Variants in PTPRN2 observed in about 807,000 individuals in gnomAD.
PTPRN2 encodes the protein receptor-type tyrosine-protein phosphatase N2.
A neutral mutation model predicts 118.8 loss-of-function variants in PTPRN2; 74 were observed. The observed-to-expected ratio is 0.62, with a 90% CI of 0.52 to 0.76. PTPRN2 has a LOEUF of 0.76. PTPRN2 is among the 30% of genes least tolerant of loss of function. The probability of loss-of-function intolerance (pLI) is 0.00; values close to 1 mark genes in which losing one functional copy is unlikely to be tolerated. For missense variants in PTPRN2, 1,481 were observed against 1,394.4 expected (o/e 1.06, Z -0.99); for synonymous variants, 641 against 608.0 (o/e 1.05, Z -0.80).
chr7:158,405,493 A>G (rs1813332023), intron 2 of PTPRN2, among the ~76,000 whole-genome samples: 2 of 152,226 alleles, frequency 1.3e-5, no homozygotes, highest in African/African-American at 4.8e-5. Context: ...ACAGAGCTGC[A>G]GCGTCCGACC....
Position 157,645,540 on chromosome 7 carries a change from G to A in PTPRN2, c.2196+10817C>T, listed in dbSNP as rs118034261. ...CATTTCACATGGTCCGTGTAGTCTGGAGTGGCAAAAGTTTGAAATTGCCTA... is the reference window on the plus strand; with the variant it reads ...CATTTCACATGGTCCGTGTAGTCTGAAGTGGCAAAAGTTTGAAATTGCCTA... On this transcript the variant is annotated intron_variant, in intron 14 of 22. Transcript: ENST00000389418. Among the ~76,000 whole-genome samples the A allele has an allele frequency of 3.1e-3, 479 of 152,248 alleles. 2 individuals are homozygous for A. The highest frequency in any genetic ancestry group is 5.9e-3 in the Non-Finnish European group (399 of 68,012).
chr7:157,843,042 C>G (rs1161603569), intron 12 of PTPRN2, among the ~76,000 whole-genome samples: 1 of 152,190 alleles, frequency 6.6e-6, no homozygotes, highest in Non-Finnish European at 1.5e-5. Flanking sequence ...AAAACCACGA[C>G]TTTTCCCCTG....
chr7:157,818,183 C>A (rs1430210126), intron 12 of PTPRN2, among the ~76,000 whole-genome samples: 2 of 151,226 alleles, frequency 1.3e-5, no homozygotes, highest in African/African-American at 4.9e-5. Context: ...GGTGTGTGTG[C>A]ATTCATGTGA....
chr7:158,241,456 G>C (rs6968106), intron 3 of PTPRN2, among the ~76,000 whole-genome samples: 2 of 151,980 alleles, frequency 1.3e-5, no homozygotes, highest in Non-Finnish European at 2.9e-5. Context: ...AAAGGTTGCA[G>C]TGAGCCAAGA....
Position 157,940,119 on chromosome 7 carries a change from T to C in PTPRN2, c.1724-41382A>G, listed in dbSNP as rs537804341. Among the ~76,000 whole-genome samples the C allele has an allele frequency of 1.3e-3, 205 of 152,242 alleles. 1 individual carries two copies. The highest frequency in any genetic ancestry group is 2.5e-3 in the Non-Finnish European group (170 of 68,010). ...CTGTCAAGAGTTCCAGTCCAGGTCCTGAGGGACATGTTCTCTGCACATTTC... is the reference window on the plus strand; with the variant it reads ...CTGTCAAGAGTTCCAGTCCAGGTCCCGAGGGACATGTTCTCTGCACATTTC... On this transcript the variant is annotated intron_variant, in intron 11 of 22. Transcript: ENST00000389418.
chr7:158,175,077 T>A (rs1824065286), intron 5 of PTPRN2, among the ~76,000 whole-genome samples: 1 of 152,232 alleles, frequency 6.6e-6, no homozygotes, highest in Non-Finnish European at 1.5e-5. Context: ...CTCCTGTGTG[T>A]GCACTGGTCT....
At chr7:158,469,729 C>T (rs1404966753) in intron 2 of PTPRN2, among the ~76,000 whole-genome samples, 1 of 139,576 alleles carries the variant, frequency 7.2e-6, no homozygotes, top group Non-Finnish European at 1.5e-5. Context: ...AGAGAGAAAA[C>T]CTGGCCAAAA....
chr7:158,312,518 GCA>G (rs373537871), intron 3 of PTPRN2, among the ~76,000 whole-genome samples: 12 of 128,562 alleles, frequency 9.3e-5, no homozygotes, highest in Non-Finnish European at 1.2e-4. Context: ...CCACACACAC[GCA>G]CAGACACCTG....
At chr7:158,188,365 T>A (rs796375689) in intron 5 of PTPRN2, among the ~76,000 whole-genome samples, 4 of 10,250 alleles carry the variant, frequency 3.9e-4, no homozygotes, top group South Asian at 4.0e-3. Flanking sequence ...CGCCGCCTGA[T>A]GGGGAAGGCC....
At chr7:157,683,671 G>T (rs183223770) in intron 12 of PTPRN2, among the ~76,000 whole-genome samples, 1,929 of 152,238 alleles carry the variant, frequency 0.013, 25 homozygotes, top group Non-Finnish European at 0.017. Context: ...CTGCTTCTTG[G>T]AGGGCGGGGG....
intron 4 of PTPRN2, among the ~76,000 whole-genome samples, chr7:158,198,360 T>C (rs537909915): frequency 6.6e-6 from 1 of 152,226 alleles, no homozygotes; most frequent in Non-Finnish European, 1.5e-5. Flanking sequence ...CGTATGAATT[T>C]TGTACTTTAA....
chr7:158,392,214 G>A (rs1202431287), intron 2 of PTPRN2, among the ~76,000 whole-genome samples: 1 of 152,090 alleles, frequency 6.6e-6, no homozygotes, highest in Non-Finnish European at 1.5e-5. Context: ...ACTCTGATGT[G>A]GCCATGCAGG....
chr7:157,685,466 G>A (rs926214016), intron 12 of PTPRN2, among the ~76,000 whole-genome samples: 9 of 152,072 alleles, frequency 5.9e-5, no homozygotes, highest in Non-Finnish European at 1.2e-4. Context: ...GGGTTCCGAG[G>A]CGCAGGGCGA....
At chr7:157,908,021 C>T (rs905684583) in intron 11 of PTPRN2, among the ~76,000 whole-genome samples, 8 of 152,356 alleles carry the variant, frequency 5.3e-5, no homozygotes, top group South Asian at 2.1e-4. Context: ...GGCCCACAGC[C>T]GCAGAGCCGC....
rs1801498147 is a variant in PTPRN2 at position 157,598,770 on chromosome 7, G to A, written c.2419-3455C>T. Among the ~76,000 whole-genome samples the A allele has an allele frequency of 1.3e-5, 2 of 152,232 alleles. 1 individual carries two copies. Among genetic ancestry groups the A allele is most frequent in the Admixed American group, 1.3e-4 (2 of 15,284 alleles). Reference sequence around the variant, plus strand: ...GTCCTCAGTGAACCACAGAAGGAAGGAAGGATGCTGCTTCCTCAAGCACAG... The same window carrying A: ...GTCCTCAGTGAACCACAGAAGGAAGAAAGGATGCTGCTTCCTCAAGCACAG... On this transcript the variant is annotated intron_variant, in intron 16 of 22. Transcript: ENST00000389418. The surrounding 1 kb of genome is among the most constrained non-coding windows in gnomAD (Gnocchi z 5.2).
chr7:158,219,776 GAAAT>G (rs1438820183), intron 3 of PTPRN2, among the ~76,000 whole-genome samples: 1 of 151,556 alleles, frequency 6.6e-6, no homozygotes, highest in Non-Finnish European at 1.5e-5. Context: ...ACACCTTGAA[GAAAT>G]AAATAAATTC....
Position 157,929,926 on chromosome 7 carries a change from C to A in PTPRN2, c.1724-31189G>T, listed in dbSNP as rs72621121. ...GGCTGCCTTGGGGCCAGGCATGAAG[C>A]GAATTCAGTCCACATCAGCGGGTCC... On this transcript the variant is annotated intron_variant, in intron 11 of 22. Coordinates refer to ENST00000389418, the MANE Select transcript of PTPRN2 (RefSeq NM_002847.5). This position sits in a 1 kb window ranked among gnomAD's most constrained non-coding sequence, Gnocchi z 4.4. 0.21 allele frequency among the ~76,000 whole-genome samples: 32,551 copies of A among 152,084 alleles called. 3,863 individuals are homozygous for A. Among genetic ancestry groups the A allele is most frequent in the East Asian group, 0.37 (1,900 of 5,138 alleles).
chr7:158,442,157 A>G (rs1157518543), intron 2 of PTPRN2, among the ~76,000 whole-genome samples: 7 of 139,914 alleles, frequency 5.0e-5, no homozygotes, highest in African/African-American at 1.8e-4. Context: ...GGTGATGGTG[A>G]TGGCAATGGT....
rs575758603 is a variant in PTPRN2 at position 158,256,445 on chromosome 7, G to A, written c.278-51172C>T. ...AAGTGCAGGGCCATTATTCTGGTCCGCGCCATGTGGAATTTTAAAAAGTTT... is the reference window on the plus strand; with the variant it reads ...AAGTGCAGGGCCATTATTCTGGTCCACGCCATGTGGAATTTTAAAAAGTTT... On this transcript the variant is annotated intron_variant, in intron 3 of 22. Transcript: ENST00000389418. Among the ~76,000 whole-genome samples, 23 of 152,276 alleles carry A rather than the reference G, an allele frequency of 1.5e-4. No individual in the cohort carries two copies. The Middle Eastern group carries it at 0.01, about 68-fold the overall frequency.
Sources: gnomAD v4.1 joint callset for allele counts (sites outside exome capture counted in the v4.1 genomes callset) on GRCh38, gnomAD v4.1.1 for gene constraint, Gnocchi (gnomAD v3.1) non-coding constraint, MANE v1.5 for transcripts, NCBI Gene and HGNC (gene_info 2026-07-23, HGNC 2026-07-21) for gene names.